The following DHX32 variants were observed in gnomAD, a reference collection of about 807,000 sequenced individuals.
DHX32 encodes DEAH-box helicase 32 (putative).
In DHX32, 51 loss-of-function variants were observed where a neutral mutation model predicts 70.0. The observed-to-expected ratio is 0.73, with a 90% CI of 0.58 to 0.92. The LOEUF is 0.92. Among genes scored for constraint, DHX32 ranks in the 40% least tolerant of loss-of-function variants. DHX32 has a pLI of 0.00. For missense variants in DHX32, 762 were observed against 891.8 expected (o/e 0.85, Z 1.85); for synonymous variants, 310 against 315.3 (o/e 0.98, Z 0.18).
At chr10:125,840,684 C>T (rs1854852811) in intron 8 of DHX32, among the ~76,000 whole-genome samples, 163 bp downstream of exon 8, 1 of 152,268 alleles carries the variant, frequency 6.6e-6, no homozygotes, top group Non-Finnish European at 1.5e-5. Flanking sequence ...GAGCATCTCC[C>T]ACTCTGCAGA....
chr10:125,867,551 A>G (rs796775627), intron 1 of DHX32, among the ~76,000 whole-genome samples: 72 of 152,266 alleles, frequency 4.7e-4, no homozygotes, highest in African/African-American at 1.5e-3. Context: ...CCTGGCTAAC[A>G]TGGTGAAACC....
intron 4 of DHX32, chr10:125,853,187 TC>T: frequency 6.2e-7 from 1 of 1,613,400 alleles, no homozygotes; most frequent in South Asian, 1.1e-5. Flanking sequence ...TCAATCAAGA[TC>T]AACTCTAAGT....
rs1554894870 is a variant in DHX32, at chr10:125,841,791, C to G, written c.1495G>C (p.Glu499Gln). Residue 499 changes from glutamate (E) to glutamine (Q), a missense_variant, in exon 7 of 11, where the codon GAA becomes CAA. By Grantham distance (29) the Glu-to-Gln change is conservative. This residue lies in a region of DHX32 where 366 missense variants were observed against 402.6 expected (regional missense o/e 0.91). Coordinates refer to ENST00000284690, the MANE Select transcript of DHX32 (RefSeq NM_018180.3). ...QLSKSILASC[E>Q]FDCVDEVLTI... is the part of the protein sequence containing the mutation. ...AGCACTTCATCTACACAGTCAAATT[C>G]ACAGGACGCTAAGATAGACTTCGAG... The G allele has an allele frequency of 1.9e-6, 3 of 1,613,302 alleles. No individual in the cohort carries two copies. The highest frequency in any genetic ancestry group is 2.5e-6 in the Non-Finnish European group (3 of 1,179,870).
chr10:125,894,981 G>A (rs1944429622), intron 1 of DHX32, among the ~76,000 whole-genome samples: 1 of 152,304 alleles, frequency 6.6e-6, no homozygotes, highest in African/African-American at 2.4e-5. Context: ...TCCATGAAGT[G>A]TTTACTTTCC....
At chr10:125,864,311 G>A (rs1389163480) in intron 2 of DHX32, among the ~76,000 whole-genome samples, 1 of 152,166 alleles carries the variant, frequency 6.6e-6, no homozygotes, top group African/African-American at 2.4e-5. Flanking sequence ...GAATAAGGCA[G>A]CCCAGCAAGG....
At chr10:125,878,529 C>A (rs1471070311) in intron 1 of DHX32, among the ~76,000 whole-genome samples, 1 of 152,224 alleles carries the variant, frequency 6.6e-6, no homozygotes, top group Non-Finnish European at 1.5e-5. Context: ...TTGCTCATTT[C>A]TCTGGGGTTT....
chr10:125,877,814 T>A (rs775152794), intron 1 of DHX32, among the ~76,000 whole-genome samples: 2 of 152,202 alleles, frequency 1.3e-5, no homozygotes, highest in South Asian at 2.1e-4. Context: ...GATAGACAAA[T>A]TATCAAATCC....
intron 6 of DHX32, among the ~76,000 whole-genome samples, chr10:125,850,134 TAAA>T (rs371549545): frequency 4.6e-4 from 62 of 133,494 alleles, no homozygotes; most frequent in African/African-American, 5.3e-4. Context: ...CCTGGCTCAT[TAAA>T]AAAAAAAAAA....
chr10:125,867,183 C>G lies in DHX32; in HGVS notation c.283G>C (p.Val95Leu), dbSNP rs773868637. The change falls in exon 2 of 11, where the codon GTT (valine) becomes CTT (leucine). Residue 95 changes from valine to leucine, a missense_variant and splice_region_variant. Physicochemically the swap from Val to Leu is conservative, Grantham distance 32 (BLOSUM62 1). This residue lies in a region of DHX32 where 394 missense variants were observed against 473.1 expected (regional missense o/e 0.83). Coordinates refer to ENST00000284690, the MANE Select transcript of DHX32 (RefSeq NM_018180.3). Reference sequence around the variant, plus strand: ...CAATATTCAGCACACCACTGAGGAACCTGTAGCAGGAAAAAATGAGACAGG... The same window carrying G: ...CAATATTCAGCACACCACTGAGGAAGCTGTAGCAGGAAAAAATGAGACAGG... The part of the protein sequence containing the change: ...GDAKCGKSAQ[V>L]PQWCAEYCLS... 6.3e-7 allele frequency: 1 copy of G among 1,594,756 alleles called. No individual in the cohort carries two copies. Among genetic ancestry groups the G allele is most frequent in the South Asian group, 1.1e-5 (1 of 89,032 alleles).
rs1219467344 is a variant in DHX32, at chr10:125,836,589, A to C, written c.*98T>G. 3 of 1,454,800 alleles carry C rather than the reference A, an allele frequency of 2.1e-6. No individual in the cohort carries two copies. Among genetic ancestry groups the C allele is most frequent in the Non-Finnish European group, 2.8e-6 (3 of 1,084,530 alleles). The allele number at this position is 1,454,800 out of a possible 1,614,324, so 90.1% of individuals were successfully genotyped here. On this transcript the variant is annotated 3_prime_UTR_variant, in exon 11 of 11. Transcript: ENST00000284690. ...TATTTTCTTCAAGACCGTCCTGTGG[A>C]TGTGAAATCCGTCTTCGCGTCATGT...
At chr10:125,843,181 T>C (rs1854928650) in intron 6 of DHX32, among the ~76,000 whole-genome samples, 1 of 152,140 alleles carries the variant, frequency 6.6e-6, no homozygotes, top group Non-Finnish European at 1.5e-5. Flanking sequence ...GGTTTTGTTT[T>C]AGTTCCAGTA....
At position 125,840,981 on chromosome 10, in the gene DHX32, GA is replaced by G; in HGVS notation, c.1558del (p.Ser520HisfsTer12). 1.2e-6 allele frequency: 2 copies of G among 1,600,378 alleles called. No individual in the cohort carries two copies. The highest frequency in any genetic ancestry group is 1.7e-6 in the Non-Finnish European group (2 of 1,172,154). The stretch of plus-strand genomic sequence containing the variant: ...CTCTTCAGCTCCATGTGGCACATGT[GA>G]AAAGCAATTTGGAGCTTCAAAATGA... ...AAMVTAPNCF[S>X]HVPHGAEEAA... On this transcript the variant is annotated frameshift_variant, in exon 8 of 11. Transcript: ENST00000284690. LOFTEE classifies it high-confidence loss of function.
intron 6 of DHX32, among the ~76,000 whole-genome samples, chr10:125,845,207 G>A (rs1489607044): frequency 6.6e-6 from 1 of 152,202 alleles, no homozygotes; most frequent in Non-Finnish European, 1.5e-5. Context: ...TGTTCTTATA[G>A]ATGTCAGATG....
chr10:125,838,355 G>C lies in DHX32; in HGVS notation c.1914C>G (p.Tyr638Ter). Reference protein sequence around the residue: ...IARDVDGSGNYLMLTHKQVAQ... With the variant: ...IARDVDGSGN The stretch of plus-strand genomic sequence containing the variant: ...CAACCTGCTTATGTGTCAGCATTAA[G>C]TAGTTACCTGATCCATCAACATCCC... Residue 638 changes from tyrosine to a stop codon, truncating the protein, a stop_gained, in exon 10 of 11, where the codon TAC becomes TAG. Coordinates refer to ENST00000284690, the MANE Select transcript of DHX32 (RefSeq NM_018180.3). LOFTEE classifies it high-confidence loss of function. 6.2e-7 allele frequency: 1 copy of C among 1,602,334 alleles called. No homozygotes were observed. Among genetic ancestry groups the C allele is most frequent in the Non-Finnish European group, 8.5e-7 (1 of 1,177,194 alleles).
At position 125,838,363 on chromosome 10, in the gene DHX32, C is replaced by T. The variant is rs757936936; in HGVS notation, c.1906G>A (p.Gly636Ser). 2 of 1,597,668 alleles carry T rather than the reference C, an allele frequency of 1.3e-6. No homozygotes were observed. The change falls in exon 10 of 11, where the codon GGT (glycine) becomes AGT (serine). Residue 636 changes from glycine to serine, a missense_variant. Gly to Ser is a moderately conservative substitution (Grantham distance 56). Coordinates refer to ENST00000284690, the MANE Select transcript of DHX32 (RefSeq NM_018180.3). ...MQIARDVDGS[G>S]NYLMLTHKQV... ...TTATGTGTCAGCATTAAGTAGTTAC[C>T]TGATCCATCAACATCCCGAGCAATC...
Position 125,836,662 on chromosome 10 carries a change from G to T in DHX32, c.*25C>A. 6.2e-7 allele frequency: 1 copy of T among 1,610,904 alleles called. No homozygotes were observed. The highest frequency in any genetic ancestry group is 8.5e-7 in the Non-Finnish European group (1 of 1,177,856). On this transcript the variant is annotated 3_prime_UTR_variant, in exon 11 of 11. Coordinates refer to ENST00000284690, the MANE Select transcript of DHX32 (RefSeq NM_018180.3). ...GCCATCCAGCTACCTTTGGGACCCT[G>T]CTGCACCTTGTGTTTGCTGGGGAGT...
chr10:125,841,145 C>T (rs1854866601), intron 7 of DHX32, 149 bp from the exon 8 acceptor site: 2 of 1,385,674 alleles, frequency 1.4e-6, no homozygotes, highest in South Asian at 1.4e-5. Context: ...ACTTAGAAAT[C>T]CCAGAAATTT....
At chr10:125,867,353 C>G (rs150735229) in intron 1 of DHX32, among the ~76,000 whole-genome samples, 170 bp from the exon 2 acceptor site, 57 of 152,208 alleles carry the variant, frequency 3.7e-4, no homozygotes, top group Middle Eastern at 6.8e-3. Flanking sequence ...GGATTATGCA[C>G]AGAGTTACTG....
intron 6 of DHX32, among the ~76,000 whole-genome samples, chr10:125,849,253 A>T (rs1397770856): frequency 6.6e-6 from 1 of 152,234 alleles, no homozygotes; most frequent in South Asian, 2.1e-4. Flanking sequence ...TTCCGCCTGC[A>T]CTGTTGCACG....
Sources: gnomAD v4.1 joint callset for allele counts (sites outside exome capture counted in the v4.1 genomes callset) on GRCh38, gnomAD v4.1.1 for gene constraint, gnomAD v4.1.1 regional missense constraint, MANE v1.5 for transcripts, NCBI Gene and HGNC (gene_info 2026-07-23, HGNC 2026-07-21) for gene names.